ZNF385B: variants seen among roughly 807,000 people sequenced by gnomAD.
ZNF385B encodes zinc finger protein 533.
A neutral mutation model predicts 39.2 loss-of-function variants in ZNF385B; 23 were observed. That is an observed-to-expected ratio of 0.59 (90% CI 0.42 to 0.83). The LOEUF is 0.83. Ranked by LOEUF, ZNF385B falls within the 40% of genes least tolerant of loss-of-function variation. The pLI, the probability that ZNF385B is intolerant of heterozygous loss-of-function variation, is 0.00. For synonymous variants in ZNF385B, 205 were observed against 222.6 expected, an observed-to-expected ratio of 0.92 and a Z score of 0.70; for missense variants, 552 against 598.9, an observed-to-expected ratio of 0.92 and a Z score of 0.82.
chr2:179,710,977 A>G (rs913031633), intron 3 of ZNF385B, among the ~76,000 whole-genome samples: 1 of 152,152 alleles, frequency 6.6e-6, no homozygotes, highest in African/African-American at 2.4e-5. Context: ...ATGAGACAAC[A>G]TATTTTCCTC....
chr2:179,623,428 G>A (rs992713474), intron 3 of ZNF385B, among the ~76,000 whole-genome samples: 1 of 152,146 alleles, frequency 6.6e-6, no homozygotes, highest in East Asian at 1.9e-4. Context: ...AGGCTAAGAT[G>A]TGAGTACATG....
intron 3 of ZNF385B, among the ~76,000 whole-genome samples, chr2:179,727,318 A>G (rs1283540702): frequency 6.6e-6 from 1 of 152,084 alleles, no homozygotes; most frequent in East Asian, 1.9e-4. Context: ...TCCAAACAAT[A>G]TAAAATACCA....
chr2:179,719,622 A>G (rs1262346710), intron 3 of ZNF385B, among the ~76,000 whole-genome samples: 1 of 152,248 alleles, frequency 6.6e-6, no homozygotes, highest in East Asian at 1.9e-4. Context: ...CATACAGGAA[A>G]TAATAGATTT....
At chr2:179,596,782 CA>C (rs1356538870) in intron 3 of ZNF385B, among the ~76,000 whole-genome samples, 2 of 152,230 alleles carry the variant, frequency 1.3e-5, no homozygotes, top group South Asian at 4.2e-4. Flanking sequence ...CTCAAATTGT[CA>C]AGACTGAGTT....
intron 3 of ZNF385B, among the ~76,000 whole-genome samples, chr2:179,569,894 T>C (rs1417277815): frequency 6.6e-6 from 1 of 152,204 alleles, no homozygotes; most frequent in African/African-American, 2.4e-5. Flanking sequence ...TCTTATGAAA[T>C]GTGAATGAGT....
At chr2:179,690,481 T>C (rs377027477) in intron 3 of ZNF385B, among the ~76,000 whole-genome samples, 1 of 152,218 alleles carries the variant, frequency 6.6e-6, no homozygotes, top group East Asian at 1.9e-4. Flanking sequence ...TATTTTGATC[T>C]GCATTTGGTT....
Position 179,518,525 on chromosome 2 carries a change from C to T in ZNF385B, c.552+3G>A. The T allele has an allele frequency of 1.3e-6, 2 of 1,582,856 alleles. No individual in the cohort carries two copies. The highest frequency in any genetic ancestry group is 1.7e-6 in the Non-Finnish European group (2 of 1,161,338). Reference sequence around the variant, plus strand: ...CAGAGAATAATGAAAAGGTGATACTCACATCTGAGTTAAAGCGAAGCTGAC... The same window carrying T: ...CAGAGAATAATGAAAAGGTGATACTTACATCTGAGTTAAAGCGAAGCTGAC... On this transcript the variant is annotated splice_donor_region_variant and intron_variant, in intron 5 of 9. Transcript: ENST00000410066.
At chr2:179,598,724 C>T (rs1303770847) in intron 3 of ZNF385B, among the ~76,000 whole-genome samples, 2 of 152,048 alleles carry the variant, frequency 1.3e-5, no homozygotes, top group Non-Finnish European at 2.9e-5. Flanking sequence ...TAATAAATTC[C>T]ATGAAACTAA....
chr2:179,542,881 G>A (rs1366412746), intron 4 of ZNF385B, among the ~76,000 whole-genome samples: 1 of 152,140 alleles, frequency 6.6e-6, no homozygotes, highest in East Asian at 1.9e-4. Context: ...AGTATGTGCA[G>A]GGGTATGGAA....
chr2:179,755,342 T>G lies in ZNF385B; in HGVS notation c.298+14161A>C, dbSNP rs539704323. Among the ~76,000 whole-genome samples, 15 of 152,344 alleles carry G rather than the reference T, an allele frequency of 9.8e-5. No homozygotes were observed. The South Asian group carries it at 2.5e-3, about 25-fold the overall frequency. The stretch of plus-strand genomic sequence containing the variant: ...TCTTTTACATTTGCTGAGGAGTGCT[T>G]TACTTCCAACTATGTGGTCAATTTT... On this transcript the variant is annotated intron_variant, in intron 3 of 9. Transcript: ENST00000410066.
intron 3 of ZNF385B, among the ~76,000 whole-genome samples, chr2:179,546,120 G>A (rs563071691): frequency 3.9e-5 from 6 of 152,048 alleles, no homozygotes; most frequent in Non-Finnish European, 8.8e-5. Flanking sequence ...CTGTAGCCCC[G>A]ACCTCCCTGG....
intron 3 of ZNF385B, among the ~76,000 whole-genome samples, chr2:179,632,621 C>A (rs1311831100): frequency 6.6e-6 from 1 of 152,116 alleles, no homozygotes; most frequent in African/African-American, 2.4e-5. Flanking sequence ...AATTGACACC[C>A]TAACATCACA....
intron 1 of ZNF385B, among the ~76,000 whole-genome samples, chr2:179,788,215 G>A (rs1278272273): frequency 2.6e-5 from 4 of 151,880 alleles, no homozygotes; most frequent in African/African-American, 7.3e-5. Context: ...ACACACACAC[G>A]CACACACACA....
At chr2:179,609,695 CA>C (rs1260104444) in intron 3 of ZNF385B, among the ~76,000 whole-genome samples, 2 of 152,220 alleles carry the variant, frequency 1.3e-5, no homozygotes, top group African/African-American at 2.4e-5. Flanking sequence ...TTCCCACCAA[CA>C]GTGTACAAAG....
intron 3 of ZNF385B, among the ~76,000 whole-genome samples, chr2:179,601,933 T>C (rs1533387): frequency 0.15 from 23,537 of 151,918 alleles, 2,149 homozygotes; most frequent in East Asian, 0.23. Flanking sequence ...GCTCTCAGAG[T>C]CAACAAGAAA....
At chr2:179,756,330 A>G (rs1278778850) in intron 3 of ZNF385B, among the ~76,000 whole-genome samples, 4 of 152,158 alleles carry the variant, frequency 2.6e-5, no homozygotes, top group Non-Finnish European at 4.4e-5. Context: ...TGGCTTGTAG[A>G]GTTTCTGCCA....
chr2:179,792,793 TG>T (rs1705425543), intron 1 of ZNF385B, among the ~76,000 whole-genome samples: 1 of 152,082 alleles, frequency 6.6e-6, no homozygotes, highest in South Asian at 2.1e-4. Flanking sequence ...TCTTGTTAAC[TG>T]AGGTAAAGAG....
chr2:179,751,076 C>T (rs1702640364), intron 3 of ZNF385B, among the ~76,000 whole-genome samples: 1 of 151,898 alleles, frequency 6.6e-6, no homozygotes, highest in Non-Finnish European at 1.5e-5. Context: ...GAGATTTTTT[C>T]CAGACATGGA....
chr2:179,629,522 C>A (rs1179627284), intron 3 of ZNF385B, among the ~76,000 whole-genome samples: 3 of 152,144 alleles, frequency 2.0e-5, no homozygotes, highest in South Asian at 4.1e-4. Context: ...TTTTGGGGTA[C>A]CCTCTTTTAG....
Sources: allele counts gnomAD v4.1 joint callset (sites outside exome capture counted in the v4.1 genomes callset), GRCh38; gene constraint gnomAD v4.1.1; transcripts MANE v1.5; gene names NCBI Gene and HGNC (gene_info 2026-07-23, HGNC 2026-07-21).